The following BACE1 variants were observed in gnomAD, a reference collection of about 807,000 sequenced individuals.
BACE1 encodes beta-secretase 1, also known as APP beta-secretase.
Under a neutral mutation model 54.0 loss-of-function variants are expected in BACE1, and 21 were observed. That is an observed-to-expected ratio of 0.39 (90% confidence interval 0.28 to 0.56). BACE1 has a LOEUF of 0.56. BACE1 is among the 20% of genes least tolerant of loss of function. The probability of loss-of-function intolerance (pLI) is 0.63; values close to 1 mark genes in which losing one functional copy is unlikely to be tolerated. For synonymous variants in BACE1, 232 were observed against 260.9 expected (o/e 0.89, Z 1.07); for missense variants, 511 against 661.2 (o/e 0.77, Z 2.49).
intron 1 of BACE1, among the ~76,000 whole-genome samples, chr11:117,310,876 C>T (rs1208684132): frequency 2.0e-5 from 3 of 152,118 alleles, no homozygotes; most frequent in African/African-American, 7.2e-5. Context: ...GTAGGAAGAA[C>T]AAGGATGAAA....
intron 2 of BACE1, chr11:117,295,594 A>G: frequency 6.5e-7 from 1 of 1,535,506 alleles, no homozygotes; most frequent in Non-Finnish European, 8.7e-7. Context: ...CTAGATCTTG[A>G]GCTCAGGCCC....
At chr11:117,300,162 C>T (rs2034691368) in intron 1 of BACE1, among the ~76,000 whole-genome samples, 1 of 152,074 alleles carries the variant, frequency 6.6e-6, no homozygotes, top group South Asian at 2.1e-4. Context: ...CCAAAGGGGG[C>T]CAGGCCGAGC....
In BACE1 at chr11:117,288,759, A is replaced by C. The variant is rs908203524; in HGVS notation, c.*807T>G. Reference sequence around the variant, plus strand: ...TCTTAGTGGGCACTTCATTTAAGAGAGCTAAAAAAGAGCTCTTTGGCTAGA... The same window carrying C: ...TCTTAGTGGGCACTTCATTTAAGAGCGCTAAAAAAGAGCTCTTTGGCTAGA... On this transcript the variant is annotated 3_prime_UTR_variant, in exon 9 of 9. Transcript: ENST00000313005. 1 of 152,280 alleles carries C rather than the reference A, an allele frequency of 6.6e-6. No homozygotes were observed. The highest frequency in any genetic ancestry group is 6.5e-5 in the Admixed American group (1 of 15,280). 9.4% of individuals were successfully genotyped at this position (152,280 alleles called of 1,614,324 possible).
intron 1 of BACE1, among the ~76,000 whole-genome samples, chr11:117,314,942 A>G (rs2035052795): frequency 1.3e-5 from 2 of 151,318 alleles, no homozygotes; most frequent in African/African-American, 4.9e-5. Flanking sequence ...CGAGAGGGAG[A>G]AGGGGAGGAG....
At chr11:117,303,593 C>A (rs1356470312) in intron 1 of BACE1, among the ~76,000 whole-genome samples, 3 of 152,194 alleles carry the variant, frequency 2.0e-5, no homozygotes, top group Non-Finnish European at 4.4e-5. Context: ...AAAACGCCTT[C>A]AAGGGGCATC....
chr11:117,301,915 C>A (rs2034734267), intron 1 of BACE1, among the ~76,000 whole-genome samples: 2 of 152,238 alleles, frequency 1.3e-5, no homozygotes, highest in African/African-American at 2.4e-5. Context: ...AGTTTCCCAG[C>A]TGCTTTTGGC....
At chr11:117,300,012 C>T (rs1420830180) in intron 1 of BACE1, among the ~76,000 whole-genome samples, 1 of 152,044 alleles carries the variant, frequency 6.6e-6, no homozygotes, top group Non-Finnish European at 1.5e-5. Flanking sequence ...CTGGGGGCTC[C>T]TGCTGTCCCT....
chr11:117,308,667 T>G (rs946769666), intron 1 of BACE1, among the ~76,000 whole-genome samples: 4 of 152,024 alleles, frequency 2.6e-5, no homozygotes, highest in African/African-American at 9.7e-5. Flanking sequence ...TTGTACTTCC[T>G]GGCTGGGTGC....
Position 117,293,994 on chromosome 11 carries a change from C to G in BACE1, c.582G>C (p.Leu194=), listed in dbSNP as rs1194755493. The part of the protein sequence containing the change: ...YAEIARPDDS[L]EPFFDSLVKQ... ...TTACCAGAGAGTCAAAGAAAGGCTC[C>G]AGGGAGTCGTCAGGCTTTGGCAGAA... Residue 194 remains leucine, a synonymous_variant, in exon 4 of 9, where the codon CTG becomes CTC. Coordinates refer to ENST00000313005, the MANE Select transcript of BACE1 (RefSeq NM_012104.6). The surrounding 1 kb of genome is among the most constrained non-coding windows in gnomAD (Gnocchi z 4.1). 1 of 1,613,644 alleles carries G rather than the reference C, an allele frequency of 6.2e-7. No homozygotes were observed. The highest frequency in any genetic ancestry group is 1.7e-5 in the Admixed American group (1 of 59,982).
rs1440167800 is a variant in BACE1, at chr11:117,293,862, C to T, written c.705+9G>A. 1.6e-5 allele frequency: 26 copies of T among 1,609,660 alleles called. No homozygotes were observed. Among genetic ancestry groups the T allele is most frequent in the Non-Finnish European group, 2.1e-5 (25 of 1,178,254 alleles). On this transcript the variant is annotated intron_variant, in intron 4 of 8. Coordinates refer to ENST00000313005, the MANE Select transcript of BACE1 (RefSeq NM_012104.6). This position sits in a 1 kb window ranked among gnomAD's most constrained non-coding sequence, Gnocchi z 4.1. ...TGCCAGGACCTCCCCTCTCTGAGGA[C>T]CTACTCACCATGCTCCCTCCGACAG...
intron 1 of BACE1, among the ~76,000 whole-genome samples, chr11:117,303,792 A>C (rs1055617384): frequency 1.1e-4 from 16 of 152,204 alleles, no homozygotes; most frequent in Non-Finnish European, 2.2e-4. Flanking sequence ...TGTGGGCCTC[A>C]TGGCTAAAGA....
rs1061659 is a variant in BACE1 at position 117,289,718 on chromosome 11, C to T, written c.1354G>A (p.Glu452Lys). 1 of 1,614,086 alleles carries T rather than the reference C, an allele frequency of 6.2e-7. No individual in the cohort carries two copies. The highest frequency in any genetic ancestry group is 1.3e-5 in the African/African-American group (1 of 74,922). Reference sequence around the variant, plus strand: ...TAGGCTATGGTCATGAGGGTTGACTCATCTGTCTGTGGAATGTTGTAGCCA... The same window carrying T: ...TAGGCTATGGTCATGAGGGTTGACTTATCTGTCTGTGGAATGTTGTAGCCA... ...DCGYNIPQTD[E>K]STLMTIAYVM... Residue 452 changes from glutamate (E) to lysine (K), a missense_variant, in exon 9 of 9, where the codon GAG (glutamate) becomes AAG (lysine). By Grantham distance (56) the Glu-to-Lys change is moderately conservative (BLOSUM62 1). Around this residue, in one of 2 missense-constraint regions of BACE1, gnomAD observed 407 missense variants for 565.7 expected, o/e 0.72. Coordinates refer to ENST00000313005, the MANE Select transcript of BACE1 (RefSeq NM_012104.6).
intron 1 of BACE1, among the ~76,000 whole-genome samples, chr11:117,299,062 TCC>T (rs1169414741): frequency 6.6e-6 from 1 of 152,122 alleles, no homozygotes; most frequent in African/African-American, 2.4e-5. Context: ...TGCCTCGGCC[TCC>T]CAAAGTGCTG....
chr11:117,289,417 C>T lies in BACE1; in HGVS notation c.*149G>A, dbSNP rs945250680. On this transcript the variant is annotated 3_prime_UTR_variant, in exon 9 of 9. Transcript: ENST00000313005. ...CTGGAACCCACCTTGCCAGCCTTTT[C>T]CTTCTCCATCAAGGCAGAGGCATTT... 9 of 1,358,626 alleles carry T rather than the reference C, an allele frequency of 6.6e-6. No individual in the cohort carries two copies. The highest frequency in any genetic ancestry group is 4.6e-5 in the South Asian group (3 of 65,908). The allele number at this position is 1,358,626 out of a possible 1,614,324, so 84.2% of individuals were successfully genotyped here.
intron 5 of BACE1, 92 bp downstream of exon 5, chr11:117,292,962 T>C: frequency 6.7e-7 from 1 of 1,483,000 alleles, no homozygotes; most frequent in South Asian, 1.3e-5. Context: ...CTATTACCTC[T>C]GCCTCATCCT....
chr11:117,297,242 A>G (rs775220874), intron 1 of BACE1: 1 of 378,084 alleles, frequency 2.6e-6, no homozygotes, highest in African/African-American at 2.1e-5. Context: ...AAGAACTAAT[A>G]TGCAAGGGAG....
intron 7 of BACE1, 38 bp downstream of exon 7, chr11:117,290,861 CT>C (rs1264564748): frequency 3.1e-6 from 5 of 1,605,346 alleles, no homozygotes; most frequent in African/African-American, 2.7e-5. Flanking sequence ...CCAGTGTGTA[CT>C]TTTAAGAGAG....
At position 117,293,661 on chromosome 11, in the gene BACE1, C is replaced by T; in HGVS notation, c.705+210G>A. On this transcript the variant is annotated intron_variant, in intron 4 of 8. Coordinates refer to ENST00000313005, the MANE Select transcript of BACE1 (RefSeq NM_012104.6). This position sits in a 1 kb window ranked among gnomAD's most constrained non-coding sequence, Gnocchi z 4.1. Reference sequence around the variant, plus strand: ...GAAATTTTCCTAATTGCCTTCCTTTCCAAGTTTACCATAGGTGCCTTGATT... The same window carrying T: ...GAAATTTTCCTAATTGCCTTCCTTTTCAAGTTTACCATAGGTGCCTTGATT... 3 of 449,060 alleles carry T rather than the reference C, an allele frequency of 6.7e-6. No individual in the cohort carries two copies. The highest frequency in any genetic ancestry group is 1.1e-5 in the Non-Finnish European group (3 of 275,136). The allele number at this position is 449,060 out of a possible 1,614,324, so 27.8% of individuals were successfully genotyped here.
chr11:117,298,331 G>A (rs1253260204), intron 1 of BACE1, among the ~76,000 whole-genome samples: 1 of 152,028 alleles, frequency 6.6e-6, no homozygotes, highest in Non-Finnish European at 1.5e-5. Context: ...GAAACGCTGT[G>A]TCTGCTTCAG....
Sources: gnomAD v4.1 joint callset for allele counts (sites outside exome capture counted in the v4.1 genomes callset) on GRCh38, gnomAD v4.1.1 for gene constraint, gnomAD v4.1.1 regional missense constraint, Gnocchi (gnomAD v3.1) non-coding constraint, MANE v1.5 for transcripts, NCBI Gene and HGNC (gene_info 2026-07-23, HGNC 2026-07-21) for gene names.